Variants in PITPNM3 observed in about 807,000 individuals in gnomAD.
PITPNM3 encodes the protein membrane-associated phosphatidylinositol transfer protein 3.
A neutral mutation model predicts 102.0 loss-of-function variants in PITPNM3; 26 were observed. The ratio of observed to expected loss-of-function variants is 0.25; its 90% CI spans 0.19 to 0.35. The LOEUF is 0.35. Ranked by LOEUF, PITPNM3 falls within the 10% of genes least tolerant of loss-of-function variation. PITPNM3 has a pLI of 1.00. For missense variants in PITPNM3, 1,083 were observed against 1,346.1 expected, an observed-to-expected ratio of 0.80 and a Z score of 3.06; for synonymous variants, 578 against 558.6, an observed-to-expected ratio of 1.03 and a Z score of -0.49.
At chr17:6,521,212 G>A (rs1403487926) in intron 3 of PITPNM3, 2 of 152,294 alleles carry the variant, frequency 1.3e-5, no homozygotes, top group Non-Finnish European at 2.9e-5. Flanking sequence ...AGGAGTTCAA[G>A]ACTAGCCTGG....
intron 4 of PITPNM3, among the ~76,000 whole-genome samples, chr17:6,498,974 G>C (rs1338332650): frequency 6.6e-6 from 1 of 152,146 alleles, no homozygotes; most frequent in East Asian, 1.9e-4. Context: ...CAGAGAGGTG[G>C]CAACAGAAGA....
At chr17:6,488,979 A>C (rs1180684249) in intron 4 of PITPNM3, among the ~76,000 whole-genome samples, 4 of 152,190 alleles carry the variant, frequency 2.6e-5, no homozygotes, top group Non-Finnish European at 5.9e-5. Flanking sequence ...GCCAGCTCCC[A>C]GTGCCCCACT....
Position 6,525,476 on chromosome 17 carries a change from G to T in PITPNM3, c.119-13C>A. The T allele has an allele frequency of 6.3e-7, 1 of 1,599,576 alleles. No individual in the cohort carries two copies. Among genetic ancestry groups the T allele is most frequent in the Non-Finnish European group, 8.6e-7 (1 of 1,166,760 alleles). On this transcript the variant is annotated splice_polypyrimidine_tract_variant and intron_variant, in intron 2 of 19. Transcript: ENST00000262483. Reference sequence around the variant, plus strand: ...TCAGCCATCTCCTCTGTGGGAAGAAGCAGCGGTGAGCAGAAGCAGGTGCAG... The same window carrying T: ...TCAGCCATCTCCTCTGTGGGAAGAATCAGCGGTGAGCAGAAGCAGGTGCAG...
intron 2 of PITPNM3, among the ~76,000 whole-genome samples, chr17:6,526,397 G>A (rs535799074): frequency 6.6e-6 from 1 of 152,318 alleles, no homozygotes; most frequent in African/African-American, 2.4e-5. Context: ...TTCTGGTGAA[G>A]AGCTTTGTGC....
intron 4 of PITPNM3, among the ~76,000 whole-genome samples, chr17:6,497,496 C>T (rs34093013): frequency 0.21 from 32,121 of 152,086 alleles, 3,518 homozygotes; most frequent in South Asian, 0.31. Context: ...AGGAGAGAGG[C>T]TCAGTAGAGG....
At chr17:6,499,281 A>G (rs768053182) in intron 4 of PITPNM3, among the ~76,000 whole-genome samples, 26 of 152,192 alleles carry the variant, frequency 1.7e-4, no homozygotes, top group Non-Finnish European at 2.9e-4. Context: ...CAAAGGAGAA[A>G]GTCTCCAAGA....
At chr17:6,540,282 A>G (rs1441838297) in intron 1 of PITPNM3, among the ~76,000 whole-genome samples, 2 of 152,228 alleles carry the variant, frequency 1.3e-5, no homozygotes, top group Non-Finnish European at 2.9e-5. Context: ...CGCAAAGCTT[A>G]CATTCTGCAG....
At position 6,458,727 on chromosome 17, in the gene PITPNM3, A is replaced by G. The variant is rs2150713747; in HGVS notation, c.2491-1005T>C. Among the ~76,000 whole-genome samples the G allele has an allele frequency of 6.6e-6, 1 of 151,818 alleles. No homozygotes were observed. Among genetic ancestry groups the G allele is most frequent in the East Asian group, 1.9e-4 (1 of 5,130 alleles). On this transcript the variant is annotated intron_variant, in intron 18 of 19. Transcript: ENST00000262483. This position sits in a 1 kb window ranked among gnomAD's most constrained non-coding sequence, Gnocchi z 5.1. ...GCCCCTTCCTCATCCTGCCTGAGTGACCCATGGCATCCCTGTGTCCTTGCC... is the reference window on the plus strand; with the variant it reads ...GCCCCTTCCTCATCCTGCCTGAGTGGCCCATGGCATCCCTGTGTCCTTGCC...
At chr17:6,549,204 C>G (rs1244305973) in intron 1 of PITPNM3, among the ~76,000 whole-genome samples, 1 of 152,072 alleles carries the variant, frequency 6.6e-6, no homozygotes, top group Non-Finnish European at 1.5e-5. Flanking sequence ...CCCCCGCAGC[C>G]CCTTGCCAGC....
chr17:6,510,156 G>T (rs535595655), intron 3 of PITPNM3, among the ~76,000 whole-genome samples: 3 of 152,040 alleles, frequency 2.0e-5, no homozygotes, highest in Non-Finnish European at 2.9e-5. Flanking sequence ...TGCCTTCCTG[G>T]GCTAAATTCC....
intron 4 of PITPNM3, among the ~76,000 whole-genome samples, chr17:6,496,877 A>G (rs1333445430): frequency 6.6e-6 from 1 of 152,166 alleles, no homozygotes; most frequent in Non-Finnish European, 1.5e-5. Flanking sequence ...CATCCTCATG[A>G]AAGTGAATGC....
intron 2 of PITPNM3, among the ~76,000 whole-genome samples, chr17:6,528,233 T>C (rs1211532455): frequency 2.0e-5 from 3 of 152,202 alleles, no homozygotes; most frequent in East Asian, 1.9e-4. Flanking sequence ...GGAACACGTA[T>C]GCATTGCCTT....
chr17:6,531,684 C>G (rs1909154703), intron 2 of PITPNM3, among the ~76,000 whole-genome samples: 1 of 152,212 alleles, frequency 6.6e-6, no homozygotes, highest in African/African-American at 2.4e-5. Context: ...ACACCCACTG[C>G]CTTCCACAAT....
intron 2 of PITPNM3, among the ~76,000 whole-genome samples, chr17:6,532,278 A>G (rs1372739970): frequency 6.6e-6 from 1 of 151,974 alleles, no homozygotes; most frequent in African/African-American, 2.4e-5. Flanking sequence ...CCACTCTATC[A>G]TGTCCTTTTA....
rs188280759 is a variant in PITPNM3 at position 6,459,354 on chromosome 17, C to T, written c.2491-1632G>A. ...CCTCCCGATACCTGGAGTCTCGTCT[C>T]TCTCTCCTGGTCCTCCTCCCCCTCA... On this transcript the variant is annotated intron_variant, in intron 18 of 19. Coordinates refer to ENST00000262483, the MANE Select transcript of PITPNM3 (RefSeq NM_031220.4). The surrounding 1 kb of genome is among the most constrained non-coding windows in gnomAD (Gnocchi z 5.0). Among the ~76,000 whole-genome samples the T allele has an allele frequency of 1.9e-3, 287 of 152,208 alleles. 3 individuals are homozygous for T. The highest frequency in any genetic ancestry group is 6.6e-3 in the African/African-American group (275 of 41,514).
At chr17:6,544,077 C>T (rs1215704215) in intron 1 of PITPNM3, among the ~76,000 whole-genome samples, 2 of 152,364 alleles carry the variant, frequency 1.3e-5, no homozygotes, top group East Asian at 3.9e-4. Context: ...GGAACAGGTG[C>T]CCCTGAGCGA....
chr17:6,462,035 C>G (rs1351487488), intron 17 of PITPNM3, among the ~76,000 whole-genome samples: 1 of 152,154 alleles, frequency 6.6e-6, no homozygotes, highest in Non-Finnish European at 1.5e-5. Context: ...ACCCCTACTC[C>G]TACCCACATC....
chr17:6,478,745 AG>A lies in PITPNM3; in HGVS notation c.588-10del. On this transcript the variant is annotated splice_polypyrimidine_tract_variant and intron_variant, in intron 6 of 19. Coordinates refer to ENST00000262483, the MANE Select transcript of PITPNM3 (RefSeq NM_031220.4). This position sits in a 1 kb window ranked among gnomAD's most constrained non-coding sequence, Gnocchi z 4.4. ...GGCTGTAGGGGTTCAGGCTGCAGAC[AG>A]GGGGCCCAAGGTGAGCCCAGCCAGG... is the stretch of plus-strand genomic sequence containing the variant. 1 of 1,555,276 alleles carries A rather than the reference AG, an allele frequency of 6.4e-7. No homozygotes were observed.
Position 6,513,220 on chromosome 17 carries a change from A to G in PITPNM3, c.227-9646T>C, listed in dbSNP as rs78768580. 7.3e-3 allele frequency among the ~76,000 whole-genome samples: 1,108 copies of G among 152,310 alleles called. 15 individuals carry two copies. The highest frequency in any genetic ancestry group is 0.025 in the African/African-American group (1,055 of 41,566). On this transcript the variant is annotated intron_variant, in intron 3 of 19. Transcript: ENST00000262483. ...CATCATATTTAATGGTAAAAGACTG[A>G]AAACCTTCCCCCTAAGATCAGGAAT...
Sources: allele counts gnomAD v4.1 joint callset (sites outside exome capture counted in the v4.1 genomes callset), GRCh38; gene constraint gnomAD v4.1.1; non-coding constraint Gnocchi (gnomAD v3.1); transcripts MANE v1.5; gene names NCBI Gene and HGNC (gene_info 2026-07-23, HGNC 2026-07-21).